EPS8: variants seen among roughly 807,000 people sequenced by gnomAD.
The protein encoded by EPS8 is EGFR pathway substrate 8, signaling adaptor, also known as epidermal growth factor receptor kinase substrate 8.
EPS8 carries 42 observed loss-of-function variants against 103.8 expected under a neutral mutation model. The observed-to-expected ratio is 0.40, with a 90% CI of 0.32 to 0.52. The LOEUF is 0.52. Ranked by LOEUF, EPS8 falls within the 20% of genes least tolerant of loss-of-function variation. The probability of loss-of-function intolerance (pLI) is 0.40; values close to 1 mark genes in which losing one functional copy is unlikely to be tolerated. For missense variants in EPS8, 969 were observed against 1,005.1 expected, an observed-to-expected ratio of 0.96 and a Z score of 0.49; for synonymous variants, 344 against 344.6, an observed-to-expected ratio of 1.00 and a Z score of 0.02.
rs1946669581 is a variant in EPS8 at position 15,727,746 on chromosome 12, T to C, written c.-21-44774A>G. On this transcript the variant is annotated intron_variant, in intron 1 of 20. Coordinates refer to ENST00000281172, the MANE Select transcript of EPS8 (RefSeq NM_004447.6). This position sits in a 1 kb window ranked among gnomAD's most constrained non-coding sequence, Gnocchi z 4.3. The stretch of plus-strand genomic sequence containing the variant: ...GGTGGCGCGTGCCTGTAATCCCAGC[T>C]ACTCAGGAGGCTGAGGCAGGAGAAT... Among the ~76,000 whole-genome samples the C allele has an allele frequency of 6.6e-6, 1 of 152,090 alleles. No homozygotes were observed. The highest frequency in any genetic ancestry group is 1.5e-5 in the Non-Finnish European group (1 of 68,014).
intron 2 of EPS8, among the ~76,000 whole-genome samples, chr12:15,682,145 C>T (rs1019860633): frequency 1.4e-4 from 21 of 152,174 alleles, no homozygotes; most frequent in African/African-American, 4.8e-4. Context: ...GGAAAAGGTA[C>T]GTGGAACTGA....
Position 15,723,526 on chromosome 12 carries a change from A to G in EPS8, c.-21-40554T>C, listed in dbSNP as rs550853014. ...GTATATGTATAAGGTACAAATATGCATAAGATTTTTCCTGAAGACCAAAAT... is the reference window on the plus strand; with the variant it reads ...GTATATGTATAAGGTACAAATATGCGTAAGATTTTTCCTGAAGACCAAAAT... On this transcript the variant is annotated intron_variant, in intron 1 of 20. Coordinates refer to ENST00000281172, the MANE Select transcript of EPS8 (RefSeq NM_004447.6). Among the ~76,000 whole-genome samples the G allele has an allele frequency of 5.3e-5, 8 of 152,280 alleles. 1 individual carries two copies. The highest frequency in any genetic ancestry group is 8.8e-5 in the Non-Finnish European group (6 of 68,014).
chr12:15,662,149 C>A, intron 8 of EPS8, 50 bp from the exon 9 acceptor site: 1 of 1,564,068 alleles, frequency 6.4e-7, no homozygotes. Flanking sequence ...CCCACAATAC[C>A]AATACAGACA....
intron 17 of EPS8, among the ~76,000 whole-genome samples, chr12:15,635,678 T>C (rs188705906): frequency 9.2e-5 from 14 of 152,250 alleles, no homozygotes; most frequent in Non-Finnish European, 1.3e-4. Context: ...ATGAGAAGAT[T>C]TTATACCTAG....
In EPS8 at chr12:15,727,712, G is replaced by A. The variant is rs1807877191; in HGVS notation, c.-21-44740C>T. Among the ~76,000 whole-genome samples, 1 of 152,072 alleles carries A rather than the reference G, an allele frequency of 6.6e-6. No individual in the cohort carries two copies. Among genetic ancestry groups the A allele is most frequent in the African/African-American group, 2.4e-5 (1 of 41,398 alleles). On this transcript the variant is annotated intron_variant, in intron 1 of 20. Transcript: ENST00000281172. This position sits in a 1 kb window ranked among gnomAD's most constrained non-coding sequence, Gnocchi z 4.3. Reference sequence around the variant, plus strand: ...GTCTCTACTAAAAATACAAAAATTAGCCGGGCGTGGTGGCGCGTGCCTGTA... The same window carrying A: ...GTCTCTACTAAAAATACAAAAATTAACCGGGCGTGGTGGCGCGTGCCTGTA...
At chr12:15,667,592 T>C (rs1411692641) in intron 6 of EPS8, among the ~76,000 whole-genome samples, 1 of 152,118 alleles carries the variant, frequency 6.6e-6, no homozygotes, top group East Asian at 1.9e-4. Context: ...AATCTTCAAC[T>C]TCTTATACTG....
intron 1 of EPS8, among the ~76,000 whole-genome samples, chr12:15,719,092 T>C (rs535466283): frequency 1.0e-3 from 159 of 152,198 alleles, no homozygotes; most frequent in African/African-American, 3.5e-3. Flanking sequence ...TGAATGCTGA[T>C]AAGGTGTCCT....
intron 1 of EPS8, among the ~76,000 whole-genome samples, chr12:15,758,411 A>G (rs1259752475): frequency 6.6e-6 from 1 of 152,250 alleles, no homozygotes; most frequent in African/African-American, 2.4e-5. Context: ...GAGGTGGGGT[A>G]CATTCCAGAT....
rs1179617708 is a variant in EPS8, at chr12:15,785,034, G to A, written c.-22+4127C>T. Among the ~76,000 whole-genome samples the A allele has an allele frequency of 6.6e-6, 1 of 152,050 alleles. No individual in the cohort carries two copies. The highest frequency in any genetic ancestry group is 1.5e-5 in the Non-Finnish European group (1 of 67,934). Reference sequence around the variant, plus strand: ...TCGGTATGATACTATGATCCTATAAGGATAGCTACATCAAATTAAGTATTT... The same window carrying A: ...TCGGTATGATACTATGATCCTATAAAGATAGCTACATCAAATTAAGTATTT... On this transcript the variant is annotated intron_variant, in intron 1 of 20. Transcript: ENST00000281172. The surrounding 1 kb of genome is among the most constrained non-coding windows in gnomAD (Gnocchi z 4.9).
At chr12:15,635,795 C>A (rs1441195527) in intron 17 of EPS8, among the ~76,000 whole-genome samples, 2 of 151,874 alleles carry the variant, frequency 1.3e-5, no homozygotes, top group Non-Finnish European at 2.9e-5. Flanking sequence ...CCTCACCTAC[C>A]AATACCTAGA....
intron 1 of EPS8, among the ~76,000 whole-genome samples, chr12:15,730,120 T>C (rs1461851546): frequency 2.6e-5 from 4 of 152,196 alleles, no homozygotes; most frequent in Non-Finnish European, 4.4e-5. Context: ...TCTATAACTT[T>C]GGGGCATCTC....
intron 8 of EPS8, 177 bp downstream of exon 8, chr12:15,665,579 C>A (rs1945693201): frequency 1.5e-6 from 1 of 658,010 alleles, no homozygotes; most frequent in Admixed American, 3.0e-5. Flanking sequence ...GATCCGCCCG[C>A]CTCGGCCTCC....
intron 1 of EPS8, among the ~76,000 whole-genome samples, chr12:15,705,747 G>A (rs1946377382): frequency 6.6e-6 from 1 of 152,124 alleles, no homozygotes; most frequent in African/African-American, 2.4e-5. Context: ...TACCCTCTTG[G>A]AAATGAGCCC....
At chr12:15,766,061 G>A (rs1373491919) in intron 1 of EPS8, among the ~76,000 whole-genome samples, 2 of 151,424 alleles carry the variant, frequency 1.3e-5, no homozygotes, top group Non-Finnish European at 2.9e-5. Flanking sequence ...TGATCCGCCT[G>A]CCTCGGCCTC....
intron 2 of EPS8, 142 bp downstream of exon 2, chr12:15,682,751 G>T: frequency 1.7e-6 from 1 of 584,440 alleles, no homozygotes; most frequent in Non-Finnish European, 3.0e-6. Context: ...AACATGTGTT[G>T]TAACAAAGAT....
chr12:15,761,537 C>A lies in EPS8; in HGVS notation c.-22+27624G>T, dbSNP rs1947041166. On this transcript the variant is annotated intron_variant, in intron 1 of 20. Coordinates refer to ENST00000281172, the MANE Select transcript of EPS8 (RefSeq NM_004447.6). This position sits in a 1 kb window ranked among gnomAD's most constrained non-coding sequence, Gnocchi z 4.5. ...TCACATTACCTGATTTCAAATTATA[C>A]TATGGAGCTATAGTAACCAAAAAGG... is the stretch of plus-strand genomic sequence containing the variant. 6.6e-6 allele frequency among the ~76,000 whole-genome samples: 1 copy of A among 152,000 alleles called. No individual in the cohort carries two copies. The highest frequency in any genetic ancestry group is 2.4e-5 in the African/African-American group (1 of 41,380).
intron 17 of EPS8, among the ~76,000 whole-genome samples, chr12:15,639,047 C>T (rs1243545894): frequency 6.6e-6 from 1 of 152,120 alleles, no homozygotes; most frequent in African/African-American, 2.4e-5. Flanking sequence ...TTCCTAGCAA[C>T]CACACACACA....
At position 15,717,984 on chromosome 12, in the gene EPS8, CA is replaced by C; in HGVS notation, c.-21-35013del. ...TTTCAGTTAAAAAGACAGCAAGAAA[CA>C]AAAAAATTGGTGGAAAAAGTGATTT... On this transcript the variant is annotated intron_variant, in intron 1 of 20. Coordinates refer to ENST00000281172, the MANE Select transcript of EPS8 (RefSeq NM_004447.6). The surrounding 1 kb of genome is among the most constrained non-coding windows in gnomAD (Gnocchi z 4.3). Among the ~76,000 whole-genome samples, 1 of 152,142 alleles carries C rather than the reference CA, an allele frequency of 6.6e-6. No homozygotes were observed. The highest frequency in any genetic ancestry group is 1.9e-4 in the East Asian group (1 of 5,184).
rs180779705 is a variant in EPS8 at position 15,745,138 on chromosome 12, G to A, written c.-22+44023C>T. Among the ~76,000 whole-genome samples, 1,384 of 152,266 alleles carry A rather than the reference G, an allele frequency of 9.1e-3. 25 individuals carry two copies. The highest frequency in any genetic ancestry group is 0.031 in the African/African-American group (1,280 of 41,538). On this transcript the variant is annotated intron_variant, in intron 1 of 20. Transcript: ENST00000281172. The surrounding 1 kb of genome is among the most constrained non-coding windows in gnomAD (Gnocchi z 4.6). Reference sequence around the variant, plus strand: ...AGCCTCCCAAAGTGCTGGTATTATAGGCGTGAGCCACCATGCCTGGCCAAT... The same window carrying A: ...AGCCTCCCAAAGTGCTGGTATTATAAGCGTGAGCCACCATGCCTGGCCAAT...
Sources: gnomAD v4.1 joint callset for allele counts (sites outside exome capture counted in the v4.1 genomes callset) on GRCh38, gnomAD v4.1.1 for gene constraint, Gnocchi (gnomAD v3.1) non-coding constraint, MANE v1.5 for transcripts, NCBI Gene and HGNC (gene_info 2026-07-23, HGNC 2026-07-21) for gene names.